GSE1: variants seen among roughly 807,000 people sequenced by gnomAD.
The protein encoded by GSE1 is Gse1 coiled-coil protein.
Under a neutral mutation model 112.6 loss-of-function variants are expected in GSE1, and 32 were observed. The observed-to-expected ratio is 0.28, with a 90% CI of 0.21 to 0.38. The LOEUF (loss-of-function observed/expected upper bound fraction) is 0.38, where lower values mean the gene tolerates loss of function less well. Ranked by LOEUF, GSE1 falls within the 10% of genes least tolerant of loss-of-function variation. The pLI, the probability that GSE1 is intolerant of heterozygous loss-of-function variation, is 1.00. For missense variants in GSE1, 2,348 were observed against 1,699.2 expected (o/e 1.38, Z -6.71); for synonymous variants, 1,115 against 735.6 (o/e 1.52, Z -8.35).
Position 85,247,505 on chromosome 16 carries a change from G to A in GSE1, c.2283+75698G>A, listed in dbSNP as rs756180506. ...GGAGGACGGGATGAGGGCCGGACCC[G>A]CACGTCATGCTCCTCAGAGGAGGCC... On this transcript the variant is annotated intron_variant, in intron 1 of 2. Transcript: ENST00000637419. Among the ~76,000 whole-genome samples, 7 of 152,262 alleles carry A rather than the reference G, an allele frequency of 4.6e-5. No individual in the cohort carries two copies. The South Asian group carries it at 8.3e-4, about 18-fold the overall frequency.
intron 1 of GSE1, among the ~76,000 whole-genome samples, chr16:85,625,233 C>G (rs1056377312): frequency 1.3e-5 from 2 of 152,206 alleles, no homozygotes; most frequent in Admixed American, 1.3e-4. Context: ...GCCTGCTTCT[C>G]CGCACACACA....
intron 1 of GSE1, among the ~76,000 whole-genome samples, chr16:85,320,774 C>T (rs1299843183): frequency 6.6e-6 from 1 of 152,216 alleles, no homozygotes; most frequent in Non-Finnish European, 1.5e-5. Context: ...CTCACCACCT[C>T]TCCAGCCCCC....
At chr16:85,461,776 C>G (rs1421185959) in intron 2 of GSE1, among the ~76,000 whole-genome samples, 1 of 152,162 alleles carries the variant, frequency 6.6e-6, no homozygotes, top group African/African-American at 2.4e-5. Context: ...GCCAGCCTCA[C>G]TAGATCTCCT....
chr16:85,401,932 T>A (rs2048123730), intron 2 of GSE1, among the ~76,000 whole-genome samples: 2 of 152,334 alleles, frequency 1.3e-5, no homozygotes, highest in African/African-American at 4.8e-5. Flanking sequence ...AGTGGGCACT[T>A]CTGGGGGATC....
chr16:85,561,268 CTG>C (rs1266572825), intron 1 of GSE1, among the ~76,000 whole-genome samples: 1 of 152,148 alleles, frequency 6.6e-6, no homozygotes, highest in Non-Finnish European at 1.5e-5. Context: ...GCCAGGGAAA[CTG>C]AGGTACAGAG....
At chr16:85,413,232 G>A (rs2048623765) in intron 2 of GSE1, among the ~76,000 whole-genome samples, 1 of 152,224 alleles carries the variant, frequency 6.6e-6, no homozygotes, top group South Asian at 2.1e-4. Context: ...CGGGGCTGAG[G>A]GACCCCCATC....
chr16:85,528,750 G>A (rs1167173345), intron 2 of GSE1, among the ~76,000 whole-genome samples: 1 of 152,092 alleles, frequency 6.6e-6, no homozygotes. Context: ...CAAGGGTGGT[G>A]GGATGTCTTA....
At chr16:85,195,209 C>T (rs955705134) in intron 1 of GSE1, among the ~76,000 whole-genome samples, 2 of 152,144 alleles carry the variant, frequency 1.3e-5, no homozygotes, top group African/African-American at 2.4e-5. Context: ...CACAGAGGAG[C>T]TTGAGCTCCA....
chr16:85,535,030 C>T (rs936522031), intron 2 of GSE1, among the ~76,000 whole-genome samples: 2 of 152,158 alleles, frequency 1.3e-5, no homozygotes, highest in Admixed American at 1.3e-4. Flanking sequence ...GCTGATTGTG[C>T]GGGACTGTCT....
At chr16:85,328,709 GTC>G (rs1478966581) in intron 1 of GSE1, among the ~76,000 whole-genome samples, 1 of 152,234 alleles carries the variant, frequency 6.6e-6, no homozygotes, top group Non-Finnish European at 1.5e-5. Flanking sequence ...ACGGGGCTGG[GTC>G]TCTCCCCGTA....
chr16:85,361,703 CAG>C (rs2047085888), intron 2 of GSE1, among the ~76,000 whole-genome samples: 1 of 152,226 alleles, frequency 6.6e-6, no homozygotes, highest in Admixed American at 6.5e-5. Flanking sequence ...GGAAAGGAAG[CAG>C]GTACAGGAGG....
chr16:85,432,153 C>T (rs1279593342), intron 2 of GSE1, among the ~76,000 whole-genome samples: 1 of 152,208 alleles, frequency 6.6e-6, no homozygotes, highest in African/African-American at 2.4e-5. Context: ...TTAATAAAGC[C>T]CTTAGAGTGT....
chr16:85,242,195 C>G (rs1256158539), intron 1 of GSE1, among the ~76,000 whole-genome samples: 1 of 152,176 alleles, frequency 6.6e-6, no homozygotes, highest in Non-Finnish European at 1.5e-5. Context: ...CTCCTGGCAC[C>G]AAAGAAGAGT....
chr16:85,275,095 A>C (rs952167029), intron 1 of GSE1, among the ~76,000 whole-genome samples: 3 of 152,172 alleles, frequency 2.0e-5, no homozygotes, highest in Admixed American at 6.5e-5. Flanking sequence ...AGGGAGCATG[A>C]CATGGAGCAT....
rs538357373 is a variant in GSE1, at chr16:85,420,468, T to TC, written c.2464+62827dup. Among the ~76,000 whole-genome samples, 1,056 of 152,164 alleles carry TC rather than the reference T, an allele frequency of 6.9e-3. 11 individuals are homozygous for TC. Among genetic ancestry groups the TC allele is most frequent in the Non-Finnish European group, 6.6e-3 (449 of 67,988 alleles). On this transcript the variant is annotated intron_variant, in intron 2 of 2. Transcript: ENST00000637419. ...TGTCCTCCCTCCCCATCGCCATGTC[T>TC]CCTCGGAGGAAGTCCCCGCTGCGGA... is the stretch of plus-strand genomic sequence containing the variant.
chr16:85,393,935 G>A (rs1338028170), intron 2 of GSE1, among the ~76,000 whole-genome samples: 3 of 152,178 alleles, frequency 2.0e-5, no homozygotes, highest in African/African-American at 7.2e-5. Flanking sequence ...GCCCACTGGG[G>A]CGGGGCTGGG....
chr16:85,446,430 A>G (rs1339098582), intron 2 of GSE1, among the ~76,000 whole-genome samples: 1 of 152,148 alleles, frequency 6.6e-6, no homozygotes, highest in African/African-American at 2.4e-5. Flanking sequence ...TCTTGGACCA[A>G]CGCCTGGCAC....
At chr16:85,630,751 C>T (rs938309656) in intron 1 of GSE1, among the ~76,000 whole-genome samples, 1 of 152,178 alleles carries the variant, frequency 6.6e-6, no homozygotes, top group Non-Finnish European at 1.5e-5. Context: ...GCAGTGGGGG[C>T]CCAGGAAGCC....
At chr16:85,404,761 C>A (rs1313522958) in intron 2 of GSE1, among the ~76,000 whole-genome samples, 5 of 47,236 alleles carry the variant, frequency 1.1e-4, no homozygotes, top group Non-Finnish European at 1.6e-4. Context: ...CTCAGGGCCC[C>A]CCCGGATAAT....
Sources: gnomAD v4.1 joint callset for allele counts (sites outside exome capture counted in the v4.1 genomes callset) on GRCh38, gnomAD v4.1.1 for gene constraint, MANE v1.5 for transcripts, NCBI Gene and HGNC (gene_info 2026-07-23, HGNC 2026-07-21) for gene names.